Variants in DYNC2H1 observed in about 807,000 individuals in gnomAD.
DYNC2H1 encodes the protein cytoplasmic dynein 2 heavy chain 1.
In DYNC2H1, 410 loss-of-function variants were observed where a neutral mutation model predicts 570.0. That is an observed-to-expected ratio of 0.72 (90% CI 0.66 to 0.78). DYNC2H1 has a LOEUF of 0.78. Among genes scored for constraint, DYNC2H1 ranks in the 30% least tolerant of loss-of-function variants. DYNC2H1 has a pLI of 0.00. For synonymous variants in DYNC2H1, 1,688 were observed against 1,677.6 expected, an observed-to-expected ratio of 1.01 and a Z score of -0.15; for missense variants, 4,865 against 5,046.4, an observed-to-expected ratio of 0.96 and a Z score of 1.09.
At chr11:103,390,439 G>A (rs978784960) in intron 83 of DYNC2H1, among the ~76,000 whole-genome samples, 9 of 151,866 alleles carry the variant, frequency 5.9e-5, no homozygotes, top group African/African-American at 2.2e-4. Flanking sequence ...GATGGGTCTT[G>A]ACTCTTTATC....
At chr11:103,314,901 A>G (rs565337612) in intron 79 of DYNC2H1, among the ~76,000 whole-genome samples, 1 of 152,180 alleles carries the variant, frequency 6.6e-6, no homozygotes, top group Non-Finnish European at 1.5e-5. Context: ...TTAAAAATAA[A>G]CTTTTTCACA....
chr11:103,247,696 A>T (rs775734579), intron 65 of DYNC2H1, among the ~76,000 whole-genome samples: 1 of 152,030 alleles, frequency 6.6e-6, no homozygotes, highest in African/African-American at 2.4e-5. Flanking sequence ...GTTCCAACCC[A>T]TGAGTCTCTG....
chr11:103,194,298 C>CTT (rs57051548), intron 47 of DYNC2H1, among the ~76,000 whole-genome samples: 3 of 152,084 alleles, frequency 2.0e-5, no homozygotes, highest in East Asian at 1.9e-4. Context: ...ATATACCACT[C>CTT]TTTTTTTAAC....
rs897500522 is a variant in DYNC2H1 at position 103,363,768 on chromosome 11, T to C, written c.12156+5409T>C. On this transcript the variant is annotated intron_variant, in intron 83 of 88. Transcript: ENST00000375735. The surrounding 1 kb of genome is among the most constrained non-coding windows in gnomAD (Gnocchi z 5.6). ...TAATTTAAGGCATCCAAAAGTGTTA[T>C]TGTAGCTGATTTAGTGTGCATTCTC... is the stretch of plus-strand genomic sequence containing the variant. Among the ~76,000 whole-genome samples the C allele has an allele frequency of 6.6e-6, 1 of 152,218 alleles. No homozygotes were observed. The highest frequency in any genetic ancestry group is 1.5e-5 in the Non-Finnish European group (1 of 68,028).
rs1344894920 is a variant in DYNC2H1, at chr11:103,253,297, T to C, written c.10055T>C (p.Val3352Ala). The change falls in exon 66 of 89, where the codon GTG becomes GCG. Residue 3352 changes from valine (V) to alanine (A), a missense_variant. By Grantham distance (64) the Val-to-Ala change is moderately conservative (BLOSUM62 0). Transcript: ENST00000375735. ...RDLVAQGPRY[V>A]VQIGDKIIDY... ...TTTTTTTAAATAGGACCACGTTATG[T>C]GGTACAAATAGGTGACAAAATTATT... 6.2e-7 allele frequency: 1 copy of C among 1,611,702 alleles called. No individual in the cohort carries two copies. Among genetic ancestry groups the C allele is most frequent in the Admixed American group, 1.7e-5 (1 of 59,936 alleles).
chr11:103,172,259 GT>G (rs1258465245), intron 34 of DYNC2H1, among the ~76,000 whole-genome samples: 1 of 152,030 alleles, frequency 6.6e-6, no homozygotes, highest in African/African-American at 2.4e-5. Flanking sequence ...CAAAGAAAGA[GT>G]TGTCTTTTCT....
intron 88 of DYNC2H1, among the ~76,000 whole-genome samples, chr11:103,478,192 T>A (rs1432170154): frequency 2.6e-5 from 4 of 152,198 alleles, no homozygotes; most frequent in African/African-American, 9.7e-5. Context: ...TGGTCATTGA[T>A]CACCTTTGGA....
chr11:103,382,630 A>C (rs950455405), intron 83 of DYNC2H1, among the ~76,000 whole-genome samples: 2 of 152,102 alleles, frequency 1.3e-5, no homozygotes, highest in Non-Finnish European at 2.9e-5. Flanking sequence ...GGTTGGATGA[A>C]AGCATTTCTC....
intron 82 of DYNC2H1, among the ~76,000 whole-genome samples, chr11:103,354,149 C>T (rs1940197421): frequency 6.8e-6 from 1 of 146,896 alleles, no homozygotes; most frequent in Non-Finnish European, 1.5e-5. Context: ...CGTACTCCAG[C>T]CTGGGTGACA....
chr11:103,468,754 T>C (rs1945275784), intron 88 of DYNC2H1, 49 bp downstream of exon 88: 1 of 1,378,106 alleles, frequency 7.3e-7, no homozygotes, highest in South Asian at 1.3e-5. Flanking sequence ...AGTTCTCTCT[T>C]AGATTTTATC....
chr11:103,427,505 T>C (rs909226743), intron 84 of DYNC2H1, among the ~76,000 whole-genome samples: 11 of 152,160 alleles, frequency 7.2e-5, no homozygotes, highest in African/African-American at 2.7e-4. Flanking sequence ...AATACTGTCT[T>C]AGACAAATTG....
At chr11:103,259,288 A>G (rs949994615) in intron 69 of DYNC2H1, among the ~76,000 whole-genome samples, 9 of 152,184 alleles carry the variant, frequency 5.9e-5, no homozygotes, top group South Asian at 2.1e-4. Context: ...CTCCATTTCT[A>G]TGCCAAACAA....
In DYNC2H1 at chr11:103,399,830, T is replaced by C. The variant is rs1942563914; in HGVS notation, c.12324T>C (p.Ser4108=). The change falls in exon 84 of 89, where the codon AGT becomes AGC. Residue 4108 remains serine, a synonymous_variant. Transcript: ENST00000375735. Reference sequence around the variant, plus strand: ...TCATCAGAGGAACTACTTTACTGAGTTCAGAAGTACAAAAATTGGCAAGTG... The same window carrying C: ...TCATCAGAGGAACTACTTTACTGAGCTCAGAAGTACAAAAATTGGCAAGTG... The part of the protein sequence containing the change: ...SKVIRGTTLL[S]SEVQKLASAL... 1 of 1,613,868 alleles carries C rather than the reference T, an allele frequency of 6.2e-7. No homozygotes were observed. Among genetic ancestry groups the C allele is most frequent in the Non-Finnish European group, 8.5e-7 (1 of 1,179,828 alleles).
At chr11:103,445,947 C>T (rs550839687) in intron 85 of DYNC2H1, among the ~76,000 whole-genome samples, 61 of 152,172 alleles carry the variant, frequency 4.0e-4, no homozygotes, top group East Asian at 1.2e-3. Flanking sequence ...CCACCGTGCG[C>T]GGCCCTTGAT....
chr11:103,411,466 A>G (rs1160474425), intron 84 of DYNC2H1, among the ~76,000 whole-genome samples: 2 of 150,778 alleles, frequency 1.3e-5, no homozygotes, highest in Non-Finnish European at 2.9e-5. Flanking sequence ...TTAAAATATG[A>G]TTTCTGGGCA....
intron 83 of DYNC2H1, among the ~76,000 whole-genome samples, chr11:103,394,205 A>G (rs957716407): frequency 2.0e-5 from 3 of 152,118 alleles, no homozygotes; most frequent in Non-Finnish European, 2.9e-5. Flanking sequence ...TAAATAACAT[A>G]TCTTTAATTG....
rs559224686 is a variant in DYNC2H1 at position 103,289,529 on chromosome 11, C to T, written c.11095+1924C>T. Among the ~76,000 whole-genome samples the T allele has an allele frequency of 5.9e-5, 9 of 152,090 alleles. No individual in the cohort carries two copies. Among genetic ancestry groups the T allele is most frequent in the East Asian group, 3.9e-4 (2 of 5,156 alleles). ...TAATCCCAGCACATTTGGAGGCTGA[C>T]GGGGGAGGATTGCTTGAGCCCAGTA... On this transcript the variant is annotated intron_variant, in intron 75 of 88. Coordinates refer to ENST00000375735, the MANE Select transcript of DYNC2H1 (RefSeq NM_001377.3). The surrounding 1 kb of genome is among the most constrained non-coding windows in gnomAD (Gnocchi z 4.2).
In DYNC2H1 at chr11:103,185,501, A is replaced by C. The variant is rs1161969898; in HGVS notation, c.6633+450A>C. Among the ~76,000 whole-genome samples, 1 of 151,940 alleles carries C rather than the reference A, an allele frequency of 6.6e-6. No individual in the cohort carries two copies. The highest frequency in any genetic ancestry group is 2.4e-5 in the African/African-American group (1 of 41,418). ...TTGTATTACAGTCAAGTTGTTTATA[A>C]AGCTGAATTCTAAATAATAAGTGAT... On this transcript the variant is annotated intron_variant, in intron 41 of 88. Coordinates refer to ENST00000375735, the MANE Select transcript of DYNC2H1 (RefSeq NM_001377.3). The surrounding 1 kb of genome is among the most constrained non-coding windows in gnomAD (Gnocchi z 4.5).
chr11:103,464,280 T>TA (rs1945121080), intron 87 of DYNC2H1, among the ~76,000 whole-genome samples: 1 of 152,148 alleles, frequency 6.6e-6, no homozygotes, highest in African/African-American at 2.4e-5. Flanking sequence ...AAAAATGTAG[T>TA]CTTTAAATGA....
Sources: gnomAD v4.1 joint callset for allele counts (sites outside exome capture counted in the v4.1 genomes callset) on GRCh38, gnomAD v4.1.1 for gene constraint, Gnocchi (gnomAD v3.1) non-coding constraint, MANE v1.5 for transcripts, NCBI Gene and HGNC (gene_info 2026-07-23, HGNC 2026-07-21) for gene names.